Variants in DUOX2 observed in about 807,000 individuals in gnomAD.
DUOX2 encodes dual oxidase 2, also known as NADH/NADPH thyroid oxidase p138-tox.
A neutral mutation model predicts 183.3 loss-of-function variants in DUOX2; 185 were observed. That is an observed-to-expected ratio of 1.01 (90% CI 0.90 to 1.14). The LOEUF is 1.14. Ranked by LOEUF, DUOX2 falls within the 50% of genes most tolerant of loss-of-function variation. DUOX2 has a pLI of 0.00. For synonymous variants in DUOX2, 788 were observed against 812.4 expected (o/e 0.97, Z 0.51); for missense variants, 1,999 against 2,022.9 (o/e 0.99, Z 0.23).
chr15:45,111,475 G>A lies in DUOX2; in HGVS notation c.624C>T (p.Asp208=). 4 of 1,551,058 alleles carry A rather than the reference G, an allele frequency of 2.6e-6. No homozygotes were observed. The highest frequency in any genetic ancestry group is 2.4e-5 in the East Asian group (1 of 41,630). ...TCTGCGAGTCTCGGGGGAAAGCGGG[G>A]TCGGGCCCCGACGCCAGCTGTCCCC... The part of the protein sequence containing the change: ...FSGGQLASGP[D]PAFPRDSQNP... Residue 208 remains aspartate, a synonymous_variant, in exon 6 of 34, where the codon GAC becomes GAT. Transcript: ENST00000389039.
Position 45,100,110 on chromosome 15 carries a change from T to C in DUOX2, c.3124A>G (p.Ile1042Val). Residue 1042 changes from isoleucine to valine, a missense_variant, in exon 24 of 34, where the codon ATC becomes GTC. Physicochemically the swap from Ile to Val is conservative, Grantham distance 29 (BLOSUM62 3). Coordinates refer to ENST00000389039, the MANE Select transcript of DUOX2 (RefSeq NM_001363711.2). ...KRFVENYRRHIVCVAIFSAIC... is the reference protein window; with the variant it reads ...KRFVENYRRHVVCVAIFSAIC... ...GCCGAGAAGATTGCCACACACACGA[T>C]GTGCCTCCGGTAGTTCTCCACGAAG... The C allele has an allele frequency of 6.2e-7, 1 of 1,614,186 alleles. No homozygotes were observed.
chr15:45,102,097 G>A (rs557969095), intron 20 of DUOX2, 108 bp from the exon 21 acceptor site: 12 of 1,394,164 alleles, frequency 8.6e-6, no homozygotes, highest in East Asian at 2.5e-5. Context: ...CCAGTGACCC[G>A]GGAAATGGCA....
intron 18 of DUOX2, among the ~76,000 whole-genome samples, chr15:45,105,334 G>C (rs1233644370): frequency 6.6e-6 from 1 of 152,174 alleles, no homozygotes; most frequent in African/African-American, 2.4e-5. Flanking sequence ...ATGCTCTCGG[G>C]TCCAGAGGCC....
intron 11 of DUOX2, chr15:45,109,161 C>A (rs892907406): frequency 3.0e-6 from 2 of 665,338 alleles, no homozygotes; most frequent in South Asian, 1.7e-5. Context: ...TAAGACCCTT[C>A]CTCTAAGACT....
chr15:45,094,901 C>G, intron 32 of DUOX2, 35 bp downstream of exon 32: 1 of 1,612,498 alleles, frequency 6.2e-7, no homozygotes, highest in Non-Finnish European at 8.5e-7. Context: ...TCCATCTGCC[C>G]GCCAAGTTGC....
In DUOX2 at chr15:45,100,199, G is replaced by T; in HGVS notation, c.3035C>A (p.Thr1012Lys). The T allele has an allele frequency of 1.9e-6, 3 of 1,613,998 alleles. No individual in the cohort carries two copies. Among genetic ancestry groups the T allele is most frequent in the Non-Finnish European group, 2.5e-6 (3 of 1,180,018 alleles). The change falls in exon 24 of 34, where the codon ACA becomes AAA. Residue 1012 changes from threonine (T) to lysine (K), a missense_variant. By Grantham distance (78) the Thr-to-Lys change is moderately conservative (BLOSUM62 -1). This residue lies in a region of DUOX2 where 1,628 missense variants were observed against 1,608.6 expected (regional missense o/e 1.01). Transcript: ENST00000389039. The part of the protein sequence containing the change: ...KAAVPTPRLY[T>K]EALQEKMQRG... ...CTGCATCTTCTCTTGCAGCGCCTCT[G>T]TGTACAGCCGGGGAGTGGGCACTGC...
intron 23 of DUOX2, 150 bp from the exon 24 acceptor site, chr15:45,100,378 T>C (rs1039678117): frequency 1.4e-6 from 1 of 693,500 alleles, no homozygotes; most frequent in African/African-American, 1.8e-5. Flanking sequence ...GGCTTCTTCC[T>C]CCTCCAACCC....
Position 45,094,551 on chromosome 15 carries a change from A to T in DUOX2, c.4524+12T>A. The T allele has an allele frequency of 6.2e-7, 1 of 1,609,960 alleles. No homozygotes were observed. ...AGGCCAGAGTCCCAGGGTGGGAGGG[A>T]GTGGGACTGACCTGTGGGTGGACCT... On this transcript the variant is annotated intron_variant, in intron 33 of 33. Coordinates refer to ENST00000389039, the MANE Select transcript of DUOX2 (RefSeq NM_001363711.2).
In DUOX2 at chr15:45,109,926, T is replaced by C. The variant is rs76985372; in HGVS notation, c.1095A>G (p.Gln365=). ...AGTAGTTGTTGCAGACCCTGAGAGC[T>C]TGGGAGCTTTGAAAACCCTTGTTCA... ...KVLNKGFQSS[Q]ALRVCNNYWI... is the part of the protein sequence containing the mutation. The change falls in exon 10 of 34, where the codon CAA becomes CAG. Residue 365 remains glutamine, a synonymous_variant. Transcript: ENST00000389039. The C allele has an allele frequency of 3.0e-4, 489 of 1,614,094 alleles. 2 individuals are homozygous for C. The African/African-American group carries it at 5.7e-3, about 19-fold the overall frequency.
chr15:45,112,021 G>T (rs757149728), intron 4 of DUOX2, 66 bp from the exon 5 acceptor site: 37 of 1,571,398 alleles, frequency 2.4e-5, no homozygotes, highest in Non-Finnish European at 2.9e-5. Context: ...GGCCAGGGCG[G>T]CCTCCAAGTG....
At chr15:45,095,733 T>A (rs1456988825) in intron 30 of DUOX2, 95 bp downstream of exon 30, 13 of 1,541,202 alleles carry the variant, frequency 8.4e-6, no homozygotes, top group Non-Finnish European at 9.8e-6. Context: ...AGGCTGGCTT[T>A]GGGACGGCTG....
rs567090708 is a variant in DUOX2, at chr15:45,110,729, C to T, written c.883-19G>A. The T allele has an allele frequency of 2.5e-5, 40 of 1,611,938 alleles. No individual in the cohort carries two copies. In the East Asian group the frequency reaches 6.5e-4, roughly 26 times the overall value. ...CGATGTTCTGAGGGGCAGAGAGGGGCGAGGGGAGGCACAAGTTGGATGGTG... is the reference window on the plus strand; with the variant it reads ...CGATGTTCTGAGGGGCAGAGAGGGGTGAGGGGAGGCACAAGTTGGATGGTG... On this transcript the variant is annotated intron_variant, in intron 7 of 33. Coordinates refer to ENST00000389039, the MANE Select transcript of DUOX2 (RefSeq NM_001363711.2).
At position 45,095,834 on chromosome 15, in the gene DUOX2, G is replaced by A. The variant is rs745599300; in HGVS notation, c.4074C>T (p.Tyr1358=). The A allele has an allele frequency of 3.1e-6, 5 of 1,613,828 alleles. No individual in the cohort carries two copies. In the Admixed American group the frequency reaches 8.3e-5, roughly 27 times the overall value. Residue 1358 remains tyrosine, a synonymous_variant, in exon 30 of 34, where the codon TAC becomes TAT. Transcript: ENST00000389039. ...GGTTCCCAGTGACGGGCACCTTTGG[G>A]TATCCAGCACAGCCATTGCCCTTTG... is the stretch of plus-strand genomic sequence containing the variant. ...SSPKGNGCAG[Y]PKLYLDGPFG...
chr15:45,094,425 T>C, intron 33 of DUOX2, 138 bp downstream of exon 33: 6 of 1,520,336 alleles, frequency 3.9e-6, no homozygotes, highest in Non-Finnish European at 5.4e-6. Context: ...GAAGTCCCCC[T>C]TTAACAGCTG....
At chr15:45,112,794 C>T (rs912058393) in intron 3 of DUOX2, 76 bp from the exon 4 acceptor site, 25 of 1,597,392 alleles carry the variant, frequency 1.6e-5, no homozygotes, top group Non-Finnish European at 2.0e-5. Flanking sequence ...CTAAGCCTCC[C>T]TCAACCCCCA....
intron 6 of DUOX2, 29 bp downstream of exon 6, chr15:45,111,355 C>G (rs1272175691): frequency 2.1e-6 from 3 of 1,427,516 alleles, no homozygotes; most frequent in Non-Finnish European, 2.7e-6. Flanking sequence ...AGACCCCCAG[C>G]CGGCCCCGTC....
At chr15:45,110,092 G>A in intron 9 of DUOX2, 112 bp from the exon 10 acceptor site, 1 of 926,890 alleles carries the variant, frequency 1.1e-6, no homozygotes, top group Non-Finnish European at 1.8e-6. Flanking sequence ...AGTGGCCCAG[G>A]AACTTCCTTG....
chr15:45,112,865 T>C, intron 3 of DUOX2, 122 bp downstream of exon 3: 2 of 1,544,882 alleles, frequency 1.3e-6, no homozygotes, highest in East Asian at 2.3e-5. Flanking sequence ...CGCATAAGAT[T>C]GCGCTGTGTA....
intron 9 of DUOX2, among the ~76,000 whole-genome samples, chr15:45,110,208 A>G (rs191828816): frequency 1.6e-4 from 25 of 152,180 alleles, no homozygotes; most frequent in Non-Finnish European, 3.1e-4. Flanking sequence ...TGCTAGACAA[A>G]TCCTACACCC....
Sources: gnomAD v4.1 joint callset for allele counts (sites outside exome capture counted in the v4.1 genomes callset) on GRCh38, gnomAD v4.1.1 for gene constraint, gnomAD v4.1.1 regional missense constraint, MANE v1.5 for transcripts, NCBI Gene and HGNC (gene_info 2026-07-23, HGNC 2026-07-21) for gene names.